Variants in GALNT17 observed in about 807,000 individuals in gnomAD.
GALNT17 encodes the protein UDP-GalNAc:polypeptide N-acetylgalactosaminyltransferase-like 3.
Under a neutral mutation model 63.7 loss-of-function variants are expected in GALNT17, and 29 were observed. That is an observed-to-expected ratio of 0.46 (90% confidence interval 0.34 to 0.62). The LOEUF (loss-of-function observed/expected upper bound fraction) is 0.62. GALNT17 is among the 20% of genes least tolerant of loss of function. The pLI is 0.01. For missense variants in GALNT17, 603 were observed against 799.6 expected, an observed-to-expected ratio of 0.75 and a Z score of 2.97; for synonymous variants, 305 against 318.3, an observed-to-expected ratio of 0.96 and a Z score of 0.45.
chr7:71,504,723 G>C (rs1191382196), intron 5 of GALNT17, among the ~76,000 whole-genome samples: 9 of 151,974 alleles, frequency 5.9e-5, no homozygotes, highest in Admixed American at 5.9e-4. Context: ...TTTGCTGTCT[G>C]GTATTTTTCA....
At chr7:71,201,255 A>ATATATATATATATAAT (rs1307446666) in intron 1 of GALNT17, among the ~76,000 whole-genome samples, 4 of 149,548 alleles carry the variant, frequency 2.7e-5, no homozygotes, top group African/African-American at 9.9e-5. Flanking sequence ...ATATATATAT[A>ATATATATATATATAAT]TAATTTGTGT....
intron 3 of GALNT17, among the ~76,000 whole-genome samples, chr7:71,414,006 C>G (rs1157549494): frequency 6.6e-6 from 1 of 152,098 alleles, no homozygotes; most frequent in African/African-American, 2.4e-5. Flanking sequence ...CTTTGGGAGG[C>G]TGAGGTGGGT....
chr7:71,605,930 G>A (rs1236296721), intron 6 of GALNT17, among the ~76,000 whole-genome samples: 1 of 152,072 alleles, frequency 6.6e-6, no homozygotes, highest in Non-Finnish European at 1.5e-5. Context: ...AGTGAATGAG[G>A]CTTACCCATT....
intron 10 of GALNT17, 85 bp from the exon 11 acceptor site, chr7:71,711,929 CCTGT>C: frequency 7.1e-7 from 1 of 1,410,672 alleles, no homozygotes; most frequent in Non-Finnish European, 9.8e-7. Flanking sequence ...TTTTCTCTCT[CCTGT>C]CTCTCTTTCT....
rs77396276 is a variant in GALNT17 at position 71,317,985 on chromosome 7, G to C, written c.239-17565G>C. 7.0e-3 allele frequency among the ~76,000 whole-genome samples: 1,060 copies of C among 152,044 alleles called. 29 individuals carry two copies. The East Asian group carries it at 0.07, about 10-fold the overall frequency. On this transcript the variant is annotated intron_variant, in intron 1 of 10. Coordinates refer to ENST00000333538, the MANE Select transcript of GALNT17 (RefSeq NM_022479.3). ...GGCCCAGGCTGGAGTGCAATGGTGT[G>C]ATTGCAGCTCACTGAAGCGTTGATC...
chr7:71,209,735 G>A (rs1789340921), intron 1 of GALNT17, among the ~76,000 whole-genome samples: 1 of 151,986 alleles, frequency 6.6e-6, no homozygotes, highest in Admixed American at 6.6e-5. Flanking sequence ...TGCTGATAAG[G>A]ACATACCCGA....
chr7:71,295,920 T>TG (rs1432319720), intron 1 of GALNT17, among the ~76,000 whole-genome samples: 53 of 151,686 alleles, frequency 3.5e-4, no homozygotes, highest in African/African-American at 1.3e-3. Flanking sequence ...TTCTTGGGTT[T>TG]TTTTTTTTTT....
intron 5 of GALNT17, among the ~76,000 whole-genome samples, chr7:71,497,764 T>C (rs1337125960): frequency 2.6e-5 from 4 of 152,200 alleles, no homozygotes; most frequent in Admixed American, 2.6e-4. Context: ...CTGCTGTTGT[T>C]GCTGATATTG....
intron 1 of GALNT17, among the ~76,000 whole-genome samples, chr7:71,177,481 A>G (rs766006651): frequency 7.9e-5 from 12 of 152,194 alleles, no homozygotes; most frequent in Non-Finnish European, 1.8e-4. Flanking sequence ...TACTCAAACA[A>G]CAATTCAAGT....
intron 6 of GALNT17, among the ~76,000 whole-genome samples, chr7:71,609,271 G>C (rs1790090975): frequency 6.6e-6 from 1 of 152,220 alleles, no homozygotes; most frequent in Admixed American, 6.5e-5. Flanking sequence ...TTCAGAATGA[G>C]TGAGCATTTG....
intron 1 of GALNT17, among the ~76,000 whole-genome samples, chr7:71,218,861 G>T (rs117347147): frequency 6.6e-6 from 1 of 152,050 alleles, no homozygotes; most frequent in East Asian, 1.9e-4. Flanking sequence ...ACATCTAGTT[G>T]CAGGAAAACA....
At position 71,592,531 on chromosome 7, in the gene GALNT17, TAAAATAAAATAA is replaced by T. The variant is rs1562703219; in HGVS notation, c.1080+21132_1080+21143del. On this transcript the variant is annotated intron_variant, in intron 6 of 10. Transcript: ENST00000333538. ...TAAAATAAAATAAAATAAAATAAAA[TAAAATAAAATAA>T]AATAGCATAGCATAGCATACTAAAA... Among the ~76,000 whole-genome samples, 381 of 99,370 alleles carry T rather than the reference TAAAATAAAATAA, an allele frequency of 3.8e-3. 7 individuals are homozygous for T. Among genetic ancestry groups the T allele is most frequent in the African/African-American group, 0.016 (366 of 22,354 alleles). The allele number at this position is 99,370 out of a possible 152,430, so 65.2% of individuals were successfully genotyped here. A position where few individuals can be genotyped will look rare whatever the true frequency, so the allele number is the denominator to read the frequency against.
chr7:71,697,116 A>C (rs574591490), intron 9 of GALNT17, among the ~76,000 whole-genome samples: 44 of 152,162 alleles, frequency 2.9e-4, no homozygotes, highest in Admixed American at 8.5e-4. Context: ...CCAGAAAAGC[A>C]AGAGTTACAC....
chr7:71,132,459 A>C lies in GALNT17; in HGVS notation c.-344A>C. On this transcript the variant is annotated 5_prime_UTR_variant, in exon 1 of 11. Coordinates refer to ENST00000333538, the MANE Select transcript of GALNT17 (RefSeq NM_022479.3). The stretch of plus-strand genomic sequence containing the variant: ...CTCGGAGTCCGCGGCGCCGGCGGCT[A>C]GAGGTCCAGAGGCGAACCACTTGCT... The C allele has an allele frequency of 2.2e-5, 4 of 178,930 alleles. No individual in the cohort carries two copies. The highest frequency in any genetic ancestry group is 1.4e-4 in the East Asian group (1 of 7,120). The allele number at this position is 178,930 out of a possible 1,614,324, so 11.1% of individuals were successfully genotyped here.
At chr7:71,300,488 G>A (rs1273929133) in intron 1 of GALNT17, 4 of 445,302 alleles carry the variant, frequency 9.0e-6, no homozygotes, top group Non-Finnish European at 1.8e-5. Context: ...AGCTTGGACA[G>A]GATAACAAAT....
intron 6 of GALNT17, among the ~76,000 whole-genome samples, chr7:71,608,395 T>A (rs1790077198): frequency 6.6e-6 from 1 of 152,116 alleles, no homozygotes; most frequent in Admixed American, 6.5e-5. Flanking sequence ...TGGGTTGGGA[T>A]GGAGGTGTCA....
chr7:71,379,791 CA>C (rs1212414518), intron 2 of GALNT17, among the ~76,000 whole-genome samples: 1 of 152,010 alleles, frequency 6.6e-6, no homozygotes, highest in Non-Finnish European at 1.5e-5. Context: ...GCTGAAGTTT[CA>C]GTGAAGGTCC....
chr7:71,363,646 G>A (rs148966822), intron 2 of GALNT17, among the ~76,000 whole-genome samples: 8 of 152,268 alleles, frequency 5.3e-5, no homozygotes, highest in East Asian at 1.9e-4. Flanking sequence ...AGTAACTTTC[G>A]TATAGCTGAT....
chr7:71,601,523 C>T (rs1789967079), intron 6 of GALNT17, among the ~76,000 whole-genome samples: 1 of 152,096 alleles, frequency 6.6e-6, no homozygotes, highest in Non-Finnish European at 1.5e-5. Flanking sequence ...GCCACCATAC[C>T]TGTAATCCAA....
Sources: allele counts gnomAD v4.1 joint callset (sites outside exome capture counted in the v4.1 genomes callset), GRCh38; gene constraint gnomAD v4.1.1; transcripts MANE v1.5; gene names NCBI Gene and HGNC (gene_info 2026-07-23, HGNC 2026-07-21).